Variants in MALSU1 observed in about 807,000 individuals in gnomAD.
MALSU1 encodes mitochondrial assembly of ribosomal large subunit protein 1.
In MALSU1, 22 loss-of-function variants were observed where a neutral mutation model predicts 22.1. That is an observed-to-expected ratio of 1.00 (90% CI 0.71 to 1.42). The LOEUF is 1.42. MALSU1 is among the 40% of genes most tolerant of loss of function. The pLI is 0.00. For synonymous variants in MALSU1, 153 were observed against 118.5 expected (o/e 1.29, Z -1.89); for missense variants, 379 against 308.3 (o/e 1.23, Z -1.72).
chr7:23,303,863 T>C (rs1783690961), intron 2 of MALSU1, among the ~76,000 whole-genome samples: 1 of 151,346 alleles, frequency 6.6e-6, no homozygotes, highest in African/African-American at 2.4e-5. Flanking sequence ...CCCAGCACTT[T>C]GGGAGGCCAA....
chr7:23,301,076 C>T, intron 2 of MALSU1, 59 bp downstream of exon 2: 1 of 1,486,306 alleles, frequency 6.7e-7, no homozygotes, highest in Non-Finnish European at 9.2e-7. Flanking sequence ...GACAGTGCAT[C>T]AGGCCAAGGA....
At chr7:23,302,515 G>A (rs1266671915) in intron 2 of MALSU1, among the ~76,000 whole-genome samples, 2 of 152,108 alleles carry the variant, frequency 1.3e-5, no homozygotes, top group Admixed American at 6.5e-5. Flanking sequence ...GGAGAGATAG[G>A]GAGAGAACTA....
chr7:23,307,912 A>G lies in MALSU1; in HGVS notation c.480A>G (p.Glu160=). The part of the protein sequence containing the change: ...KCKRDPHVKI[E]GKDTDDWLCV... The stretch of plus-strand genomic sequence containing the variant: ...AACGTGACCCTCATGTTAAGATAGA[A>G]GGGAAGGACACTGATGACTGGCTGT... The change falls in exon 3 of 4, where the codon GAA becomes GAG. Residue 160 remains glutamate, a synonymous_variant. Transcript: ENST00000466681. 2 of 1,614,048 alleles carry G rather than the reference A, an allele frequency of 1.2e-6. No homozygotes were observed. Among genetic ancestry groups the G allele is most frequent in the African/African-American group, 2.7e-5 (2 of 75,052 alleles).
chr7:23,300,744 C>T lies in MALSU1; in HGVS notation c.257-95C>T, dbSNP rs185119893. ...GTAAAAACACTTTGGATCTAAACAC[C>T]CTCATGGAGGAACAGTCAGCTGCCG... On this transcript the variant is annotated intron_variant, in intron 1 of 3. Transcript: ENST00000466681. 8.4e-6 allele frequency: 9 copies of T among 1,073,754 alleles called. No homozygotes were observed. In the Admixed American group the frequency reaches 1.6e-4, roughly 19 times the overall value. 66.5% of individuals were successfully genotyped at this position (1,073,754 alleles called of 1,614,324 possible).
intron 2 of MALSU1, among the ~76,000 whole-genome samples, chr7:23,302,595 A>T (rs574343603): frequency 4.0e-4 from 61 of 152,348 alleles, no homozygotes; most frequent in Non-Finnish European, 7.6e-4. Context: ...AGTGGGATGG[A>T]GTCAGAAGAC....
intron 2 of MALSU1, among the ~76,000 whole-genome samples, chr7:23,301,492 C>T (rs1199965969): frequency 6.6e-6 from 1 of 152,122 alleles, no homozygotes; most frequent in Non-Finnish European, 1.5e-5. Context: ...CTCCTGACCT[C>T]AGGGGATCCG....
chr7:23,310,468 A>T lies in MALSU1; in HGVS notation c.*925A>T, dbSNP rs148088455. ...AGATATAAATGCAGCACCTATGTGT[A>T]TATTTTTAAAAAATCAAATATTGGG... On this transcript the variant is annotated 3_prime_UTR_variant, in exon 4 of 4. Transcript: ENST00000466681. The T allele has an allele frequency of 6.6e-6, 1 of 152,242 alleles. No homozygotes were observed. The highest frequency in any genetic ancestry group is 2.4e-5 in the African/African-American group (1 of 41,456). The allele number at this position is 152,242 out of a possible 1,614,324, so 9.4% of individuals were successfully genotyped here. A position where few individuals can be genotyped will look rare whatever the true frequency, so the allele number is the denominator to read the frequency against.
At chr7:23,307,063 CTT>C (rs528499561) in intron 2 of MALSU1, among the ~76,000 whole-genome samples, 2 of 152,082 alleles carry the variant, frequency 1.3e-5, no homozygotes, top group Admixed American at 1.3e-4. Flanking sequence ...TCTATTGAAA[CTT>C]TATATTTCTG....
rs185290787 is a variant in MALSU1, at chr7:23,301,830, A to G, written c.435+813A>G. Among the ~76,000 whole-genome samples the G allele has an allele frequency of 2.0e-3, 310 of 152,130 alleles. 2 individuals are homozygous for G. Among genetic ancestry groups the G allele is most frequent in the African/African-American group, 7.3e-3 (303 of 41,522 alleles). On this transcript the variant is annotated intron_variant, in intron 2 of 3. Coordinates refer to ENST00000466681, the MANE Select transcript of MALSU1 (RefSeq NM_138446.2). ...CTAAAAATACAAAAATTAGCTGGGC[A>G]TGGTGGCGTGTGCCTGTAATTCCAG...
In MALSU1 at chr7:23,309,563, T is replaced by TA. The variant is rs759259626; in HGVS notation, c.*21dup. 3.9e-6 allele frequency: 6 copies of TA among 1,555,984 alleles called. No homozygotes were observed. In the Admixed American group the frequency reaches 5.8e-5, roughly 15 times the overall value. ...GAATAAAATATTTTATGCACTGCGT[T>TA]AGTCATTTCAGATTTGGATTGAGTC... On this transcript the variant is annotated 3_prime_UTR_variant, in exon 4 of 4. Coordinates refer to ENST00000466681, the MANE Select transcript of MALSU1 (RefSeq NM_138446.2).
In MALSU1 at chr7:23,309,090, G is replaced by T. The variant is rs139077594; in HGVS notation, c.518-266G>T. On this transcript the variant is annotated intron_variant, in intron 3 of 3. Transcript: ENST00000466681. The stretch of plus-strand genomic sequence containing the variant: ...ACCCATGGAGAATTGTCACCGAAGA[G>T]AATCCTGACACCATTAGTCTCTTTG... 3.9e-5 allele frequency among the ~76,000 whole-genome samples: 6 copies of T among 152,308 alleles called. No homozygotes were observed. In the East Asian group the frequency reaches 7.7e-4, roughly 20 times the overall value.
chr7:23,308,371 A>C (rs1314246763), intron 3 of MALSU1, among the ~76,000 whole-genome samples: 1 of 152,208 alleles, frequency 6.6e-6, no homozygotes, highest in African/African-American at 2.4e-5. Flanking sequence ...GAAGACTAGA[A>C]TTTTGAAAAG....
rs1783638034 is a variant in MALSU1, at chr7:23,301,020, A to G, written c.435+3A>G. 1 of 1,610,432 alleles carries G rather than the reference A, an allele frequency of 6.2e-7. No homozygotes were observed. The highest frequency in any genetic ancestry group is 1.3e-5 in the African/African-American group (1 of 74,768). On this transcript the variant is annotated splice_donor_region_variant and intron_variant, in intron 2 of 3. Coordinates refer to ENST00000466681, the MANE Select transcript of MALSU1 (RefSeq NM_138446.2). ...TGGCCTTCTACGTTGTGAAAATGGT[A>G]GGATGCTTTCTTTTCTCTTTTGGAC... is the stretch of plus-strand genomic sequence containing the variant.
rs1471332751 is a variant in MALSU1, at chr7:23,309,690, G to GAGAC, written c.*148_*151dup. ...GGGCACTCCTGCTAACTGGCATGCA[G>GAGAC]AGACTGTCGATAAGTGAGCTATACC... On this transcript the variant is annotated 3_prime_UTR_variant, in exon 4 of 4. Coordinates refer to ENST00000466681, the MANE Select transcript of MALSU1 (RefSeq NM_138446.2). 7.1e-6 allele frequency: 4 copies of GAGAC among 560,662 alleles called. No individual in the cohort carries two copies. The highest frequency in any genetic ancestry group is 1.2e-5 in the Non-Finnish European group (4 of 332,190). The allele number at this position is 560,662 out of a possible 1,614,324, so 34.7% of individuals were successfully genotyped here.
At position 23,307,928 on chromosome 7, in the gene MALSU1, G is replaced by A. The variant is rs1455923049; in HGVS notation, c.496G>A (p.Asp166Asn). ...TAAGATAGAAGGGAAGGACACTGAT[G>A]ACTGGCTGTGCGTGGATTTTGGTAA... is the stretch of plus-strand genomic sequence containing the variant. ...HVKIEGKDTD[D>N]WLCVDFGSMV... Residue 166 changes from aspartate (D) to asparagine (N), a missense_variant, in exon 3 of 4, where the codon GAC becomes AAC. Physicochemically the swap from Asp to Asn is conservative, Grantham distance 23. Coordinates refer to ENST00000466681, the MANE Select transcript of MALSU1 (RefSeq NM_138446.2). 6.2e-7 allele frequency: 1 copy of A among 1,613,772 alleles called. No homozygotes were observed. Among genetic ancestry groups the A allele is most frequent in the Admixed American group, 1.7e-5 (1 of 60,022 alleles).
chr7:23,311,607 A>T lies in MALSU1; in HGVS notation c.*2064A>T, dbSNP rs1004312716. ...ATAACTGTGTCAAAAGCCTCAAAAA[A>T]CCCTGAAATTAATTTTCCAGCTTTA... On this transcript the variant is annotated 3_prime_UTR_variant, in exon 4 of 4. Transcript: ENST00000466681. 8 of 152,500 alleles carry T rather than the reference A, an allele frequency of 5.2e-5. No individual in the cohort carries two copies. Among genetic ancestry groups the T allele is most frequent in the African/African-American group, 1.4e-4 (6 of 41,568 alleles). The allele number at this position is 152,500 out of a possible 1,614,324, so 9.4% of individuals were successfully genotyped here.
intron 1 of MALSU1, among the ~76,000 whole-genome samples, chr7:23,300,018 C>G (rs1166525378): frequency 1.3e-5 from 2 of 152,050 alleles, no homozygotes; most frequent in African/African-American, 2.4e-5. Context: ...TTAATATCCT[C>G]TAGTTATTGC....
chr7:23,300,824 A>G lies in MALSU1; in HGVS notation c.257-15A>G, dbSNP rs778832322. 7 of 1,608,722 alleles carry G rather than the reference A, an allele frequency of 4.4e-6. No individual in the cohort carries two copies. The highest frequency in any genetic ancestry group is 2.2e-5 in the South Asian group (2 of 90,588). ...CTTGGCCATCCTGATACAAACAACT[A>G]TTTGTGCATTTCAGATCATACTGGT... On this transcript the variant is annotated splice_polypyrimidine_tract_variant and intron_variant, in intron 1 of 3. Transcript: ENST00000466681.
chr7:23,304,612 A>C (rs1223980528), intron 2 of MALSU1, among the ~76,000 whole-genome samples: 1 of 152,182 alleles, frequency 6.6e-6, no homozygotes, highest in African/African-American at 2.4e-5. Flanking sequence ...TGATCCTCTC[A>C]CCTCAGCCTC....
Sources: gnomAD v4.1 joint callset for allele counts (sites outside exome capture counted in the v4.1 genomes callset) on GRCh38, gnomAD v4.1.1 for gene constraint, MANE v1.5 for transcripts, NCBI Gene and HGNC (gene_info 2026-07-23, HGNC 2026-07-21) for gene names.